Variants in CNTN5 observed in about 807,000 individuals in gnomAD.
CNTN5 encodes contactin 5.
CNTN5 carries 77 observed loss-of-function variants against 129.1 expected under a neutral mutation model. The observed-to-expected ratio is 0.60, with a 90% CI of 0.50 to 0.72. The LOEUF is 0.72. CNTN5 is among the 30% of genes least tolerant of loss of function. CNTN5 has a pLI of 0.00. For synonymous variants in CNTN5, 509 were observed against 465.6 expected, an observed-to-expected ratio of 1.09 and a Z score of -1.20; for missense variants, 1,478 against 1,328.8, an observed-to-expected ratio of 1.11 and a Z score of -1.75.
At chr11:99,347,812 C>G (rs1278589740) in intron 2 of CNTN5, among the ~76,000 whole-genome samples, 1 of 152,122 alleles carries the variant, frequency 6.6e-6, no homozygotes, top group East Asian at 1.9e-4. Flanking sequence ...ACTGTCATTT[C>G]TCCCCAATAT....
chr11:99,192,085 T>C (rs1334896703), intron 1 of CNTN5, among the ~76,000 whole-genome samples: 2 of 151,628 alleles, frequency 1.3e-5, no homozygotes, highest in East Asian at 3.9e-4. Context: ...ATCATCTCAA[T>C]AGATGAAGAA....
At chr11:99,262,055 A>T (rs960050286) in intron 1 of CNTN5, among the ~76,000 whole-genome samples, 4 of 152,028 alleles carry the variant, frequency 2.6e-5, no homozygotes, top group Non-Finnish European at 1.5e-5. Context: ...CATACTGGTG[A>T]TCATGTAGTC....
At chr11:100,050,663 C>A (rs185489092) in intron 9 of CNTN5, among the ~76,000 whole-genome samples, 2 of 151,244 alleles carry the variant, frequency 1.3e-5, no homozygotes, top group Admixed American at 1.3e-4. Context: ...AAAAAAAAGA[C>A]CTTATAATAT....
At chr11:99,745,384 G>T (rs569772767) in intron 3 of CNTN5, among the ~76,000 whole-genome samples, 1 of 152,126 alleles carries the variant, frequency 6.6e-6, no homozygotes, top group Admixed American at 6.5e-5. Flanking sequence ...CCAAAGGCTC[G>T]GTGTTCATTT....
intron 2 of CNTN5, among the ~76,000 whole-genome samples, chr11:99,536,551 G>A (rs1947905696): frequency 6.6e-6 from 1 of 151,892 alleles, no homozygotes; most frequent in African/African-American, 2.4e-5. Flanking sequence ...TTAAGGATAT[G>A]AACCAGAAAA....
intron 2 of CNTN5, among the ~76,000 whole-genome samples, chr11:99,550,476 T>A (rs1255413327): frequency 1.3e-5 from 2 of 152,132 alleles, no homozygotes; most frequent in Non-Finnish European, 2.9e-5. Context: ...TATTCCAACC[T>A]TATTCAGCCT....
chr11:100,094,812 G>GGAAGGAAA (rs1944944049), intron 13 of CNTN5, among the ~76,000 whole-genome samples: 1 of 139,654 alleles, frequency 7.2e-6, no homozygotes, highest in African/African-American at 3.0e-5. Context: ...AAGGAAGGAA[G>GGAAGGAAA]GAAGGAAATT....
intron 13 of CNTN5, among the ~76,000 whole-genome samples, chr11:100,178,181 C>G (rs1948028901): frequency 6.6e-6 from 1 of 152,146 alleles, no homozygotes; most frequent in African/African-American, 2.4e-5. Context: ...TCATTAGTAG[C>G]TACTGACAGT....
intron 2 of CNTN5, among the ~76,000 whole-genome samples, chr11:99,449,147 A>G (rs1944197158): frequency 6.6e-6 from 1 of 152,164 alleles, no homozygotes; most frequent in African/African-American, 2.4e-5. Flanking sequence ...TAGCAAACAG[A>G]AAGAGGAATA....
At chr11:99,061,896 G>A (rs1299305578) in intron 1 of CNTN5, among the ~76,000 whole-genome samples, 2 of 151,968 alleles carry the variant, frequency 1.3e-5, no homozygotes, top group African/African-American at 4.8e-5. Flanking sequence ...GGAGGTGGAG[G>A]TGGGAGGATC....
At position 99,930,497 on chromosome 11, in the gene CNTN5, C is replaced by T. The variant is rs79320870; in HGVS notation, c.673+14348C>T. 6.1e-3 allele frequency among the ~76,000 whole-genome samples: 934 copies of T among 152,122 alleles called. 11 individuals are homozygous for T. The highest frequency in any genetic ancestry group is 0.02 in the African/African-American group (836 of 41,526). On this transcript the variant is annotated intron_variant, in intron 7 of 24. Coordinates refer to ENST00000524871, the MANE Select transcript of CNTN5 (RefSeq NM_014361.4). ...CTTGACCACTCATTTCTGAGGAGAC[C>T]GCCTGACAATTGCCTGACAGTCACC...
intron 19 of CNTN5, 124 bp downstream of exon 19, chr11:100,297,819 G>A (rs1951128289): frequency 2.9e-6 from 2 of 698,854 alleles, no homozygotes; most frequent in Non-Finnish European, 4.9e-6. Context: ...GTGGGAGGAA[G>A]GAATGAACCA....
chr11:99,950,274 C>G (rs995397490), intron 7 of CNTN5, among the ~76,000 whole-genome samples: 6 of 152,002 alleles, frequency 3.9e-5, no homozygotes, highest in Admixed American at 1.3e-4. Flanking sequence ...GTCAGGAGAT[C>G]GAGACCATCC....
chr11:100,114,702 G>C (rs1945780522), intron 13 of CNTN5, among the ~76,000 whole-genome samples: 1 of 151,922 alleles, frequency 6.6e-6, no homozygotes, highest in African/African-American at 2.4e-5. Flanking sequence ...CTTTTGAATA[G>C]TTAGAAGGCT....
At chr11:99,234,711 A>T (rs1351115008) in intron 1 of CNTN5, among the ~76,000 whole-genome samples, 2 of 151,946 alleles carry the variant, frequency 1.3e-5, no homozygotes, top group African/African-American at 4.8e-5. Flanking sequence ...ATATTTATTT[A>T]AAAATAAATA....
At chr11:100,157,085 A>G (rs1210656166) in intron 13 of CNTN5, among the ~76,000 whole-genome samples, 1 of 151,946 alleles carries the variant, frequency 6.6e-6, no homozygotes, top group Non-Finnish European at 1.5e-5. Context: ...TTGTGATATT[A>G]GGGTGTTGAT....
At chr11:99,928,614 G>T (rs1443695760) in intron 7 of CNTN5, among the ~76,000 whole-genome samples, 4 of 152,148 alleles carry the variant, frequency 2.6e-5, no homozygotes, top group African/African-American at 9.7e-5. Flanking sequence ...GCCACAGCTG[G>T]GATGCAGGGC....
chr11:100,126,444 T>C (rs1486850142), intron 13 of CNTN5, among the ~76,000 whole-genome samples: 1 of 152,138 alleles, frequency 6.6e-6, no homozygotes, highest in Admixed American at 6.6e-5. Context: ...TAGAAGTACT[T>C]GTTTTATGAA....
chr11:100,355,555 A>G (rs531820301), intron 24 of CNTN5, among the ~76,000 whole-genome samples: 4 of 151,828 alleles, frequency 2.6e-5, no homozygotes, highest in Middle Eastern at 3.4e-3. Flanking sequence ...ACGTTTATAC[A>G]ACTAGCAGAA....
Sources: gnomAD v4.1 joint callset for allele counts (sites outside exome capture counted in the v4.1 genomes callset) on GRCh38, gnomAD v4.1.1 for gene constraint, MANE v1.5 for transcripts, NCBI Gene and HGNC (gene_info 2026-07-23, HGNC 2026-07-21) for gene names.